Variants in ZNF521 observed in about 807,000 individuals in gnomAD.
The protein encoded by ZNF521 is LYST-interacting protein 3.
In ZNF521, 14 loss-of-function variants were observed where a neutral mutation model predicts 105.5. The ratio of observed to expected loss-of-function variants is 0.13; its 90% CI spans 0.09 to 0.21. The LOEUF is 0.21. Ranked by LOEUF, ZNF521 falls within the 10% of genes least tolerant of loss-of-function variation. ZNF521 has a pLI of 1.00. For missense variants in ZNF521, 1,233 were observed against 1,629.7 expected (o/e 0.76, Z 4.19); for synonymous variants, 635 against 606.0 (o/e 1.05, Z -0.70).
intron 3 of ZNF521, among the ~76,000 whole-genome samples, chr18:25,260,627 C>T (rs924355934): frequency 4.6e-5 from 7 of 151,974 alleles, no homozygotes; most frequent in East Asian, 1.9e-4. Context: ...TAACAATATA[C>T]GGTATTATCC....
intron 5 of ZNF521, among the ~76,000 whole-genome samples, chr18:25,122,935 C>T (rs2034470723): frequency 6.6e-6 from 1 of 152,020 alleles, no homozygotes; most frequent in Non-Finnish European, 1.5e-5. Flanking sequence ...AATTCACACG[C>T]ACTCAGCCAG....
At chr18:25,281,280 C>T (rs1057057447) in intron 3 of ZNF521, among the ~76,000 whole-genome samples, 5 of 152,130 alleles carry the variant, frequency 3.3e-5, no homozygotes, top group Non-Finnish European at 7.4e-5. Context: ...TGATGTAAAC[C>T]TACTTTGATC....
rs960779360 is a variant in ZNF521, at chr18:25,108,307, A to T, written c.3659-16226T>A. On this transcript the variant is annotated intron_variant, in intron 5 of 7. Coordinates refer to ENST00000361524, the MANE Select transcript of ZNF521 (RefSeq NM_015461.3). ...CAATGACTTAATTTATGATTAAAAAATTTTTATAGGTGCCAAATTAAAAGC... is the reference window on the plus strand; with the variant it reads ...CAATGACTTAATTTATGATTAAAAATTTTTTATAGGTGCCAAATTAAAAGC... Among the ~76,000 whole-genome samples the T allele has an allele frequency of 9.2e-5, 14 of 152,192 alleles. No homozygotes were observed. The South Asian group carries it at 1.0e-3, about 11-fold the overall frequency.
At chr18:25,093,049 A>G (rs1413364828) in intron 5 of ZNF521, among the ~76,000 whole-genome samples, 2 of 152,338 alleles carry the variant, frequency 1.3e-5, no homozygotes, top group East Asian at 3.9e-4. Context: ...GCTCAGAGAC[A>G]CAAATTCATT....
intron 3 of ZNF521, among the ~76,000 whole-genome samples, chr18:25,250,506 G>C (rs140610231): frequency 1.2e-3 from 187 of 152,284 alleles, no homozygotes; most frequent in African/African-American, 4.2e-3. Context: ...CCATAAGAAT[G>C]ACTGCAATAT....
At chr18:25,066,561 G>C (rs1203711493) in intron 7 of ZNF521, among the ~76,000 whole-genome samples, 1 of 152,120 alleles carries the variant, frequency 6.6e-6, no homozygotes, top group Non-Finnish European at 1.5e-5. Flanking sequence ...GGAGCACTCA[G>C]TGTTTTTTGT....
intron 2 of ZNF521, among the ~76,000 whole-genome samples, chr18:25,323,535 G>A (rs1913047591): frequency 6.6e-6 from 1 of 152,030 alleles, no homozygotes; most frequent in Non-Finnish European, 1.5e-5. Flanking sequence ...TCCAACTCCT[G>A]GCCTCAAGCA....
chr18:25,297,913 T>G (rs1911415082), intron 3 of ZNF521, among the ~76,000 whole-genome samples: 1 of 152,146 alleles, frequency 6.6e-6, no homozygotes, highest in South Asian at 2.1e-4. Context: ...TTCTTAGACT[T>G]TTTGATTGAG....
chr18:25,238,961 C>G (rs1173947675), intron 3 of ZNF521, among the ~76,000 whole-genome samples: 2 of 152,074 alleles, frequency 1.3e-5, no homozygotes, highest in Admixed American at 1.3e-4. Flanking sequence ...TTTTCTTTCC[C>G]CTGAATCACC....
chr18:25,329,880 T>C (rs1280203316), intron 2 of ZNF521, among the ~76,000 whole-genome samples: 1 of 137,010 alleles, frequency 7.3e-6, no homozygotes, highest in Non-Finnish European at 1.6e-5. Flanking sequence ...AGGAAGTAAG[T>C]AGAAAGTGAA....
At chr18:25,351,369 G>C (rs190973073) in intron 1 of ZNF521, 38 of 149,302 alleles carry the variant, frequency 2.5e-4, no homozygotes, top group African/African-American at 9.1e-4. Context: ...AATTCACATA[G>C]TTCATGCGAA....
At chr18:25,089,354 C>T in intron 7 of ZNF521, 111 bp downstream of exon 7, 1 of 788,222 alleles carries the variant, frequency 1.3e-6, no homozygotes, top group Non-Finnish European at 2.1e-6. Context: ...ACACACAAAG[C>T]ATCATGGTGG....
chr18:25,081,839 T>C (rs1052608774), intron 7 of ZNF521, among the ~76,000 whole-genome samples: 1 of 152,152 alleles, frequency 6.6e-6, no homozygotes, highest in Non-Finnish European at 1.5e-5. Flanking sequence ...TGCTACTGCA[T>C]AGATGATGGG....
intron 5 of ZNF521, among the ~76,000 whole-genome samples, chr18:25,119,618 C>T (rs1031638460): frequency 2.6e-5 from 4 of 151,854 alleles, no homozygotes; most frequent in African/African-American, 9.7e-5. Flanking sequence ...TTAGAATATA[C>T]TTTGAAAGGA....
At chr18:25,183,312 A>C (rs1313658265) in intron 5 of ZNF521, among the ~76,000 whole-genome samples, 21 of 152,342 alleles carry the variant, frequency 1.4e-4, no homozygotes. Flanking sequence ...AGGACAGCTT[A>C]AAATAATCAC....
intron 5 of ZNF521, among the ~76,000 whole-genome samples, chr18:25,115,097 G>A (rs890815844): frequency 1.3e-5 from 2 of 152,160 alleles, no homozygotes; most frequent in African/African-American, 2.4e-5. Flanking sequence ...GACAGTGAAG[G>A]CATCCATTTG....
rs913854506 is a variant in ZNF521, at chr18:25,316,739, G to A, written c.220+5269C>T. Among the ~76,000 whole-genome samples, 7 of 151,200 alleles carry A rather than the reference G, an allele frequency of 4.6e-5. 1 individual carries two copies. The highest frequency in any genetic ancestry group is 1.3e-4 in the Admixed American group (2 of 15,176). On this transcript the variant is annotated intron_variant, in intron 3 of 7. Coordinates refer to ENST00000361524, the MANE Select transcript of ZNF521 (RefSeq NM_015461.3). ...GGCCTCCACTTACACTTTGCCTCCC[G>A]AATCTACCACCTTCCCAAAGAAATA...
Position 25,225,631 on chromosome 18 carries a change from T to G in ZNF521, c.2287A>C (p.Asn763His). The change falls in exon 4 of 8, where the codon AAC becomes CAC. Residue 763 changes from asparagine to histidine, a missense_variant. By Grantham distance (68) the Asn-to-His change is moderately conservative. Coordinates refer to ENST00000361524, the MANE Select transcript of ZNF521 (RefSeq NM_015461.3). This position sits in a 1 kb window ranked among gnomAD's most constrained non-coding sequence, Gnocchi z 5.6. ...ACATGGAGCTGCAAGTCAGTTTCGTTGCGGAAGTCCCAGTTGCAAGATGTG... is the reference window on the plus strand; with the variant it reads ...ACATGGAGCTGCAAGTCAGTTTCGTGGCGGAAGTCCCAGTTGCAAGATGTG... ...RCTSCNWDFRNETDLQLHVKH... is the reference protein window; with the variant it reads ...RCTSCNWDFRHETDLQLHVKH... 2 of 1,614,190 alleles carry G rather than the reference T, an allele frequency of 1.2e-6. No homozygotes were observed. Among genetic ancestry groups the G allele is most frequent in the South Asian group, 2.2e-5 (2 of 91,084 alleles).
At chr18:25,194,699 T>C (rs550156693) in intron 5 of ZNF521, among the ~76,000 whole-genome samples, 2 of 151,764 alleles carry the variant, frequency 1.3e-5, no homozygotes, top group African/African-American at 4.8e-5. Context: ...ATAAAACTAT[T>C]TTATGGCTAT....
Sources: gnomAD v4.1 joint callset for allele counts (sites outside exome capture counted in the v4.1 genomes callset) on GRCh38, gnomAD v4.1.1 for gene constraint, Gnocchi (gnomAD v3.1) non-coding constraint, MANE v1.5 for transcripts, NCBI Gene and HGNC (gene_info 2026-07-23, HGNC 2026-07-21) for gene names.